Variants in UBAC2 observed in about 807,000 individuals in gnomAD.
UBAC2 encodes the protein ubiquitin-associated domain-containing protein 2.
In UBAC2, 26 loss-of-function variants were observed where a neutral mutation model predicts 44.0. The observed-to-expected ratio is 0.59, with a 90% confidence interval of 0.43 to 0.82. UBAC2 has a LOEUF of 0.82. UBAC2 is among the 40% of genes least tolerant of loss of function. The pLI, the probability that UBAC2 is intolerant of heterozygous loss-of-function variation, is 0.00. For synonymous variants in UBAC2, 155 were observed against 154.3 expected (o/e 1.00, Z -0.04); for missense variants, 329 against 419.4 (o/e 0.78, Z 1.88).
At chr13:99,286,980 A>G (rs753400325) in intron 4 of UBAC2, among the ~76,000 whole-genome samples, 35 of 152,154 alleles carry the variant, frequency 2.3e-4, no homozygotes, top group Admixed American at 5.2e-4. Context: ...GAGTAAGGGC[A>G]TGTGTTAGAG....
rs560325932 is a variant in UBAC2 at position 99,322,675 on chromosome 13, GA to G, written c.561+4614del. 5.3e-4 allele frequency among the ~76,000 whole-genome samples: 81 copies of G among 151,830 alleles called. 1 individual carries two copies. In the South Asian group the frequency reaches 0.016, roughly 29 times the overall value. On this transcript the variant is annotated intron_variant, in intron 6 of 8. Transcript: ENST00000403766. ...TCTCTGATCCAGCAGCCTTAGTGTG[GA>G]AAAAAAACAATCTGTTACACCCAAA...
chr13:99,341,161 C>T (rs1594145160), intron 7 of UBAC2, among the ~76,000 whole-genome samples: 1 of 152,346 alleles, frequency 6.6e-6, no homozygotes, highest in African/African-American at 2.4e-5. Context: ...GGTTAGTGCA[C>T]ATCAGGCTAA....
chr13:99,297,094 C>T (rs76436899), intron 4 of UBAC2, among the ~76,000 whole-genome samples: 3,177 of 152,258 alleles, frequency 0.021, 108 homozygotes, highest in African/African-American at 0.065. Flanking sequence ...TGCTTAGCTA[C>T]TCCCTTGATG....
rs140652585 is a variant in UBAC2 at position 99,332,956 on chromosome 13, A to C, written c.562-7364A>C. On this transcript the variant is annotated intron_variant, in intron 6 of 8. Transcript: ENST00000403766. ...TCATTCAGAAGACCTAGTGTAAAAAAGGTTTATGAGATCATGAAAATTAGG... is the reference window on the plus strand; with the variant it reads ...TCATTCAGAAGACCTAGTGTAAAAACGGTTTATGAGATCATGAAAATTAGG... Among the ~76,000 whole-genome samples the C allele has an allele frequency of 8.1e-3, 1,238 of 152,216 alleles. 11 individuals are homozygous for C. The highest frequency in any genetic ancestry group is 0.055 in the South Asian group (267 of 4,814).
In UBAC2 at chr13:99,233,540, C is replaced by T. The variant is rs77119690; in HGVS notation, c.32-4887C>T. On this transcript the variant is annotated intron_variant, in intron 1 of 8. Transcript: ENST00000403766. ...AAGATGAGTGGGTAGGTGGAGCAGC[C>T]AGAGCAGGCGTTGAGGGCCCTGGTT... Among the ~76,000 whole-genome samples, 441 of 152,114 alleles carry T rather than the reference C, an allele frequency of 2.9e-3. 2 individuals are homozygous for T. The highest frequency in any genetic ancestry group is 0.01 in the African/African-American group (428 of 41,486).
intron 4 of UBAC2, among the ~76,000 whole-genome samples, chr13:99,264,474 T>C (rs975631211): frequency 6.6e-6 from 1 of 152,262 alleles, no homozygotes; most frequent in East Asian, 1.9e-4. Flanking sequence ...CACTAAGCAC[T>C]AGTTCTCTTG....
At chr13:99,376,415 T>C (rs571095727) in intron 8 of UBAC2, among the ~76,000 whole-genome samples, 1 of 152,210 alleles carries the variant, frequency 6.6e-6, no homozygotes, top group South Asian at 2.1e-4. Context: ...CAAGAGGGTC[T>C]TCATCCCTGT....
chr13:99,303,825 G>A (rs187500620), intron 4 of UBAC2, among the ~76,000 whole-genome samples: 5 of 152,280 alleles, frequency 3.3e-5, no homozygotes, highest in Admixed American at 3.3e-4. Flanking sequence ...TGAATTCCAG[G>A]TCAACTCGGT....
intron 8 of UBAC2, among the ~76,000 whole-genome samples, chr13:99,381,310 G>A (rs2045547663): frequency 6.6e-6 from 1 of 152,206 alleles, no homozygotes. Context: ...CAAGTGCCAG[G>A]TGGAGCTGTG....
intron 4 of UBAC2, among the ~76,000 whole-genome samples, chr13:99,246,243 G>C (rs2043381949): frequency 6.6e-6 from 1 of 152,208 alleles, no homozygotes; most frequent in East Asian, 1.9e-4. Context: ...AATAATGTAT[G>C]ATTCTGAATA....
At chr13:99,385,001 A>G (rs1309335394) in intron 8 of UBAC2, among the ~76,000 whole-genome samples, 2 of 152,252 alleles carry the variant, frequency 1.3e-5, no homozygotes, top group African/African-American at 4.8e-5. Flanking sequence ...TGTCTGTAGA[A>G]TGAGGGTTAT....
At chr13:99,218,446 T>G (rs1381702355) in intron 1 of UBAC2, among the ~76,000 whole-genome samples, 1 of 152,166 alleles carries the variant, frequency 6.6e-6, no homozygotes, top group Non-Finnish European at 1.5e-5. Context: ...ATTTTAGATG[T>G]GGAGCACATT....
intron 7 of UBAC2, among the ~76,000 whole-genome samples, chr13:99,348,469 C>T (rs190752662): frequency 6.6e-6 from 1 of 152,220 alleles, no homozygotes; most frequent in Non-Finnish European, 1.5e-5. Context: ...CGCACAGGGG[C>T]TCAAAACAGC....
chr13:99,375,138 A>G (rs1159951690), intron 8 of UBAC2, among the ~76,000 whole-genome samples: 2 of 152,160 alleles, frequency 1.3e-5, no homozygotes, highest in African/African-American at 4.8e-5. Context: ...GATGTACACA[A>G]AGGAGCTCAG....
chr13:99,281,896 T>C (rs546004919), intron 4 of UBAC2, among the ~76,000 whole-genome samples: 1 of 152,296 alleles, frequency 6.6e-6, no homozygotes, highest in East Asian at 1.9e-4. Flanking sequence ...GGCCAGAGTG[T>C]CTTACCAGGG....
chr13:99,315,962 A>G (rs1255947489), intron 5 of UBAC2, among the ~76,000 whole-genome samples: 1 of 151,742 alleles, frequency 6.6e-6, no homozygotes, highest in Non-Finnish European at 1.5e-5. Flanking sequence ...AAGTAAGGCA[A>G]AAACTGCAGT....
At position 99,315,116 on chromosome 13, in the gene UBAC2, A is replaced by C. The variant is rs112520636; in HGVS notation, c.513+896A>C. 7.4e-3 allele frequency among the ~76,000 whole-genome samples: 1,127 copies of C among 152,220 alleles called. 10 individuals are homozygous for C. Among genetic ancestry groups the C allele is most frequent in the South Asian group, 0.055 (267 of 4,824 alleles). On this transcript the variant is annotated intron_variant, in intron 5 of 8. Transcript: ENST00000403766. ...TGCTGTCATGTGTTATCAATGGCTC[A>C]TCTGGGGCGTTTTCTTACCACTTTT...
intron 7 of UBAC2, among the ~76,000 whole-genome samples, chr13:99,359,325 G>A (rs1019851352): frequency 1.3e-5 from 2 of 152,176 alleles, no homozygotes; most frequent in African/African-American, 4.8e-5. Context: ...CTTCTAAAAG[G>A]CAGGGAGGTT....
intron 6 of UBAC2, 61 bp from the exon 7 acceptor site, chr13:99,340,259 C>T (rs1361032543): frequency 7.0e-6 from 11 of 1,575,268 alleles, no homozygotes; most frequent in South Asian, 1.2e-5. Flanking sequence ...ATTTTTGAGT[C>T]GTGTACATTT....
Sources: gnomAD v4.1 joint callset for allele counts (sites outside exome capture counted in the v4.1 genomes callset) on GRCh38, gnomAD v4.1.1 for gene constraint, MANE v1.5 for transcripts, NCBI Gene and HGNC (gene_info 2026-07-23, HGNC 2026-07-21) for gene names.